CHL1: variants seen among roughly 807,000 people sequenced by gnomAD.
CHL1 encodes cell adhesion molecule L1 like.
In CHL1, 96 loss-of-function variants were observed where a neutral mutation model predicts 141.9. The observed-to-expected ratio is 0.68, with a 90% CI of 0.57 to 0.80. The LOEUF (loss-of-function observed/expected upper bound fraction) is 0.80. Among genes scored for constraint, CHL1 ranks in the 30% least tolerant of loss-of-function variants. The probability of loss-of-function intolerance (pLI) is 0.00; values close to 1 mark genes in which losing one functional copy is unlikely to be tolerated. For missense variants in CHL1, 1,820 were observed against 1,457.2 expected, an observed-to-expected ratio of 1.25 and a Z score of -4.05; for synonymous variants, 613 against 502.2, an observed-to-expected ratio of 1.22 and a Z score of -2.95.
intron 2 of CHL1, among the ~76,000 whole-genome samples, chr3:313,471 G>GA (rs1283126208): frequency 1.3e-5 from 2 of 152,030 alleles, no homozygotes; most frequent in Non-Finnish European, 2.9e-5. Context: ...TTGCAAAAGG[G>GA]AAAATCGAAG....
chr3:207,027 A>T (rs1194711718), intron 1 of CHL1, among the ~76,000 whole-genome samples: 1 of 152,224 alleles, frequency 6.6e-6, no homozygotes. Context: ...GACACCGATC[A>T]TAATGATGGC....
chr3:255,536 T>C lies in CHL1; in HGVS notation c.-95+10844T>C, dbSNP rs144418708. On this transcript the variant is annotated intron_variant, in intron 2 of 27. Transcript: ENST00000256509. Reference sequence around the variant, plus strand: ...GTGTATACATACATACACACTAAACTGTACTGCTGTATGTGTGGGAAAAAG... The same window carrying C: ...GTGTATACATACATACACACTAAACCGTACTGCTGTATGTGTGGGAAAAAG... Among the ~76,000 whole-genome samples, 271 of 152,248 alleles carry C rather than the reference T, an allele frequency of 1.8e-3. 1 individual carries two copies. Among genetic ancestry groups the C allele is most frequent in the Admixed American group, 0.014 (210 of 15,278 alleles).
chr3:290,813 G>C (rs1280937945), intron 2 of CHL1, among the ~76,000 whole-genome samples: 2 of 151,888 alleles, frequency 1.3e-5, no homozygotes, highest in Non-Finnish European at 2.9e-5. Context: ...GCACACACCT[G>C]TAATCCCAGC....
chr3:294,577 C>T (rs553645921), intron 2 of CHL1, among the ~76,000 whole-genome samples: 1 of 152,240 alleles, frequency 6.6e-6, no homozygotes, highest in South Asian at 2.1e-4. Flanking sequence ...TTCTTTTTTT[C>T]CACATTCACT....
At chr3:260,466 A>T (rs1461949505) in intron 2 of CHL1, among the ~76,000 whole-genome samples, 1 of 152,218 alleles carries the variant, frequency 6.6e-6, no homozygotes, top group Non-Finnish European at 1.5e-5. Flanking sequence ...TTTATTATTT[A>T]CAGAGGTAAA....
At chr3:405,306 CAT>C (rs1380286158) in intron 27 of CHL1, among the ~76,000 whole-genome samples, 187 bp from the exon 28 acceptor site, 19 of 152,252 alleles carry the variant, frequency 1.2e-4, no homozygotes, top group South Asian at 2.1e-4. Context: ...ACTTTGTAGA[CAT>C]GTGTTTACAG....
chr3:333,320 C>G (rs756597212), intron 5 of CHL1, among the ~76,000 whole-genome samples: 16 of 151,864 alleles, frequency 1.1e-4, no homozygotes, highest in Non-Finnish European at 1.9e-4. Flanking sequence ...TTCCTACAAT[C>G]TTTAATCGAT....
At chr3:361,942 TA>T in intron 13 of CHL1, 132 bp downstream of exon 13, 1 of 616,410 alleles carries the variant, frequency 1.6e-6, no homozygotes. Context: ...AGACATAAGG[TA>T]ACAAACTTAC....
intron 6 of CHL1, 99 bp downstream of exon 6, chr3:341,015 T>G: frequency 3.9e-6 from 5 of 1,288,062 alleles, no homozygotes; most frequent in Non-Finnish European, 5.4e-6. Context: ...AAAATAAAGA[T>G]CTCTTAATTT....
chr3:345,398 A>G (rs1276962738), intron 9 of CHL1, among the ~76,000 whole-genome samples: 2 of 152,178 alleles, frequency 1.3e-5, no homozygotes, highest in African/African-American at 4.8e-5. Context: ...TTTTACATCA[A>G]AATCTAATTA....
rs1356969505 is a variant in CHL1 at position 344,575 on chromosome 3, T to C, written c.728-14T>C. ...AATTTGAAAAAATTCTGACTTTTCT[T>C]TTCTATTTTGTAGCAAATTCCATCA... On this transcript the variant is annotated splice_polypyrimidine_tract_variant and intron_variant, in intron 8 of 27. Coordinates refer to ENST00000256509, the MANE Select transcript of CHL1 (RefSeq NM_006614.4). 1 of 1,597,962 alleles carries C rather than the reference T, an allele frequency of 6.3e-7. No individual in the cohort carries two copies. The highest frequency in any genetic ancestry group is 1.8e-5 in the Admixed American group (1 of 55,888).
At chr3:286,329 G>T (rs780184542) in intron 2 of CHL1, among the ~76,000 whole-genome samples, 7 of 152,122 alleles carry the variant, frequency 4.6e-5, no homozygotes, top group Non-Finnish European at 7.3e-5. Context: ...AAGAAAGTAG[G>T]GCTGGGCATG....
At chr3:400,975 C>G (rs1264488138) in intron 26 of CHL1, among the ~76,000 whole-genome samples, 1 of 137,082 alleles carries the variant, frequency 7.3e-6, no homozygotes, top group African/African-American at 2.7e-5. Flanking sequence ...TATCTCATCT[C>G]TTTGCAACTT....
At chr3:320,076 A>C (rs1222636690) in intron 3 of CHL1, among the ~76,000 whole-genome samples, 1 of 152,002 alleles carries the variant, frequency 6.6e-6, no homozygotes, top group Non-Finnish European at 1.5e-5. Flanking sequence ...CCAGGCTTTT[A>C]GTTCCTTATG....
chr3:319,644 A>T, intron 2 of CHL1, 39 bp from the exon 3 acceptor site: 1 of 521,400 alleles, frequency 1.9e-6, no homozygotes, highest in Non-Finnish European at 3.4e-6. Context: ...GAAATTTTAG[A>T]GTTTGTGAAC....
Position 311,056 on chromosome 3 carries a change from G to A in CHL1, c.-94-8627G>A, listed in dbSNP as rs547794512. 2.9e-4 allele frequency among the ~76,000 whole-genome samples: 44 copies of A among 152,250 alleles called. No individual in the cohort carries two copies. In the South Asian group the frequency reaches 7.7e-3, roughly 27 times the overall value. On this transcript the variant is annotated intron_variant, in intron 2 of 27. Coordinates refer to ENST00000256509, the MANE Select transcript of CHL1 (RefSeq NM_006614.4). ...CCTTCACCTCTTTTCATGGCTGATA[G>A]CTCATTTCTTTTTACCACTGATATT... is the stretch of plus-strand genomic sequence containing the variant.
At chr3:323,136 T>C (rs868069073) in intron 3 of CHL1, among the ~76,000 whole-genome samples, 1 of 151,970 alleles carries the variant, frequency 6.6e-6, no homozygotes, top group South Asian at 2.1e-4. Context: ...TGACAAATTA[T>C]GGTTGTTCAG....
intron 2 of CHL1, among the ~76,000 whole-genome samples, chr3:268,524 G>A (rs950124152): frequency 6.6e-6 from 1 of 151,540 alleles, no homozygotes; most frequent in African/African-American, 2.4e-5. Context: ...GACAGAGCGG[G>A]ACCCCATCTA....
chr3:235,236 T>C (rs1691851705), intron 1 of CHL1, among the ~76,000 whole-genome samples: 1 of 152,204 alleles, frequency 6.6e-6, no homozygotes, highest in African/African-American at 2.4e-5. Context: ...GGTGTACTGA[T>C]GCTGCGATAA....
Sources: allele counts gnomAD v4.1 joint callset (sites outside exome capture counted in the v4.1 genomes callset), GRCh38; gene constraint gnomAD v4.1.1; transcripts MANE v1.5; gene names NCBI Gene and HGNC (gene_info 2026-07-23, HGNC 2026-07-21).